PRELID2: variants seen among roughly 807,000 people sequenced by gnomAD.
PRELID2 encodes PRELI domain-containing protein 2.
Under a neutral mutation model 28.4 loss-of-function variants are expected in PRELID2, and 25 were observed. The ratio of observed to expected loss-of-function variants is 0.88; its 90% CI spans 0.64 to 1.23. The LOEUF (loss-of-function observed/expected upper bound fraction) is 1.23. Ranked by LOEUF, PRELID2 falls within the 50% of genes most tolerant of loss-of-function variation. PRELID2 has a pLI of 0.00. For synonymous variants in PRELID2, 76 were observed against 71.6 expected (o/e 1.06, Z -0.31); for missense variants, 201 against 214.4 (o/e 0.94, Z 0.39).
the PRELID2 span, among the ~76,000 whole-genome samples, chr5:145,287,753 T>C: frequency 3.3e-5 from 5 of 152,180 alleles, no homozygotes; most frequent in African/African-American, 1.2e-4. Flanking sequence ...TTAACTGAAT[T>C]CTATATCCAG....
chr5:145,245,794 T>TA, the PRELID2 span, among the ~76,000 whole-genome samples: 1 of 152,154 alleles, frequency 6.6e-6, no homozygotes, highest in African/African-American at 2.4e-5. Flanking sequence ...GTATTTCACA[T>TA]AATCTCTCTG....
At chr5:145,267,354 C>A in the PRELID2 span, among the ~76,000 whole-genome samples, 1 of 152,144 alleles carries the variant, frequency 6.6e-6, no homozygotes, top group African/African-American at 2.4e-5. Flanking sequence ...CACAGACACA[C>A]TCAGGATCAA....
At chr5:145,366,213 A>C in the PRELID2 span, among the ~76,000 whole-genome samples, 2 of 151,950 alleles carry the variant, frequency 1.3e-5, no homozygotes, top group South Asian at 2.1e-4. Context: ...AAATTCTCTC[A>C]GTTTATTCTT....
At chr5:145,587,359 C>T (rs1464559354) in intron 1 of PRELID2, among the ~76,000 whole-genome samples, 8 of 152,110 alleles carry the variant, frequency 5.3e-5, no homozygotes, top group African/African-American at 9.7e-5. Context: ...TACTTCTAGC[C>T]TTCGGGCCCG....
In PRELID2 at chr5:145,747,099, A is replaced by G. The variant is rs143950629; in HGVS notation, n.70+17832T>C. Among the ~76,000 whole-genome samples, 372 of 152,152 alleles carry G rather than the reference A, an allele frequency of 2.4e-3. 1 individual carries two copies. The highest frequency in any genetic ancestry group is 4.2e-3 in the Non-Finnish European group (284 of 68,010). ...AAAGCCAGAAAGATCTCAAATCAAC[A>G]CCCTAACATCACAATTAAAAGAGCT... is the stretch of plus-strand genomic sequence containing the variant. On this transcript the variant is annotated intron_variant and non_coding_transcript_variant, in intron 1 of 2. Transcript: ENST00000510259.
chr5:145,705,586 ATAGT>A (rs1316907380), intron 1 of PRELID2, among the ~76,000 whole-genome samples: 3 of 152,192 alleles, frequency 2.0e-5, no homozygotes, highest in Non-Finnish European at 4.4e-5. Context: ...CAATAACCAA[ATAGT>A]TAGGCTACCA....
the PRELID2 span, among the ~76,000 whole-genome samples, chr5:145,316,988 C>G: frequency 3.3e-5 from 5 of 152,212 alleles, no homozygotes; most frequent in African/African-American, 9.7e-5. Context: ...AAATCAGATT[C>G]CACCAGGATA....
At chr5:145,481,540 C>A (rs1331656569) in intron 1 of PRELID2, among the ~76,000 whole-genome samples, 1 of 139,982 alleles carries the variant, frequency 7.1e-6, no homozygotes, top group Non-Finnish European at 1.5e-5. Context: ...TCTTCTGGTC[C>A]AAATTAGCTG....
intron 5 of PRELID2, among the ~76,000 whole-genome samples, chr5:145,768,167 G>C (rs768727731): frequency 1.1e-4 from 16 of 143,996 alleles, no homozygotes; most frequent in Non-Finnish European, 1.8e-4. Context: ...AAAGGTTGCA[G>C]TGAGCCAAGA....
intron 1 of PRELID2, among the ~76,000 whole-genome samples, chr5:145,627,441 A>G (rs1005939676): frequency 6.6e-6 from 1 of 152,150 alleles, no homozygotes; most frequent in Non-Finnish European, 1.5e-5. Flanking sequence ...CTTCACCACT[A>G]TGGAATATAT....
At chr5:145,441,302 A>G in the PRELID2 span, 1 of 152,082 alleles carries the variant, frequency 6.6e-6, no homozygotes, top group East Asian at 1.9e-4. Context: ...ACTCAAGTTC[A>G]TCTCACCTCC....
the PRELID2 span, among the ~76,000 whole-genome samples, chr5:145,257,416 T>G: frequency 6.7e-6 from 1 of 149,288 alleles, no homozygotes; most frequent in Non-Finnish European, 1.5e-5. Context: ...TAAAAATGAA[T>G]ATTTTAAAAT....
At chr5:145,247,362 A>G in the PRELID2 span, among the ~76,000 whole-genome samples, 2 of 151,936 alleles carry the variant, frequency 1.3e-5, no homozygotes, top group Non-Finnish European at 2.9e-5. Context: ...ACTCTTTTCC[A>G]TGACAATTCC....
At chr5:145,538,487 C>T (rs1004011907) in intron 1 of PRELID2, among the ~76,000 whole-genome samples, 4 of 151,884 alleles carry the variant, frequency 2.6e-5, no homozygotes, top group African/African-American at 9.7e-5. Flanking sequence ...TTCAAGCACT[C>T]AATGGCCACA....
At chr5:145,423,907 G>A in the PRELID2 span, among the ~76,000 whole-genome samples, 1 of 148,692 alleles carries the variant, frequency 6.7e-6, no homozygotes, top group Non-Finnish European at 1.5e-5. Flanking sequence ...TGTACAGATG[G>A]GTTTTTGGTG....
intron 1 of PRELID2, among the ~76,000 whole-genome samples, chr5:145,724,600 A>AATATATATATATATATATAT (rs59677300): frequency 2.8e-4 from 7 of 24,768 alleles, no homozygotes; most frequent in East Asian, 1.6e-3. Context: ...GAAGTAAATA[A>AATATATATATATATATATAT]ATATATATAT....
intron 1 of PRELID2, among the ~76,000 whole-genome samples, chr5:145,665,940 C>T (rs1208300772): frequency 2.2e-5 from 3 of 139,352 alleles, no homozygotes; most frequent in Non-Finnish European, 3.1e-5. Context: ...TAATAGAAAC[C>T]AATTCAAACT....
At chr5:145,570,408 C>T (rs1002398109) in intron 1 of PRELID2, among the ~76,000 whole-genome samples, 1 of 151,366 alleles carries the variant, frequency 6.6e-6, no homozygotes, top group Non-Finnish European at 1.5e-5. Context: ...CTATCTTTGT[C>T]CTCTCATTTA....
At chr5:145,484,305 G>T (rs1752193739) in intron 1 of PRELID2, among the ~76,000 whole-genome samples, 1 of 152,130 alleles carries the variant, frequency 6.6e-6, no homozygotes, top group Non-Finnish European at 1.5e-5. Context: ...AAGAAACAAT[G>T]CTATGAGCAC....
Sources: allele counts gnomAD v4.1 joint callset (sites outside exome capture counted in the v4.1 genomes callset), GRCh38; gene constraint gnomAD v4.1.1; transcripts MANE v1.5; gene names NCBI Gene and HGNC (gene_info 2026-07-23, HGNC 2026-07-21).